The following COPRS variants were observed in gnomAD, a reference collection of about 807,000 sequenced individuals.
The protein encoded by COPRS is cooperator of PRMT5.
In COPRS, 11 loss-of-function variants were observed where a neutral mutation model predicts 19.9. That is an observed-to-expected ratio of 0.55 (90% CI 0.35 to 0.92). COPRS has a LOEUF of 0.92. COPRS is among the 40% of genes least tolerant of loss of function. The pLI is 0.01. For missense variants in COPRS, 225 were observed against 229.9 expected, an observed-to-expected ratio of 0.98 and a Z score of 0.14; for synonymous variants, 81 against 82.7, an observed-to-expected ratio of 0.98 and a Z score of 0.11.
intron 2 of COPRS, among the ~76,000 whole-genome samples, chr17:31,854,299 G>C (rs1909255945): frequency 6.7e-6 from 1 of 149,278 alleles, no homozygotes; most frequent in African/African-American, 2.5e-5. Flanking sequence ...GAACCTGGGA[G>C]GTGGAGGCTG....
At chr17:31,854,692 G>A (rs1202534564) in intron 2 of COPRS, among the ~76,000 whole-genome samples, 2 of 152,228 alleles carry the variant, frequency 1.3e-5, no homozygotes, top group Non-Finnish European at 2.9e-5. Context: ...ACGCTAAGTG[G>A]AAGAAGCCAG....
chr17:31,853,675 C>T (rs570208756), intron 2 of COPRS, among the ~76,000 whole-genome samples: 4 of 152,142 alleles, frequency 2.6e-5, no homozygotes, highest in Non-Finnish European at 2.9e-5. Context: ...CCACTGTGCC[C>T]GGTTGTTTTT....
In COPRS at chr17:31,852,954, G is replaced by A. The variant is rs753067739; in HGVS notation, c.243C>T (p.Ala81=). 3 of 1,614,096 alleles carry A rather than the reference G, an allele frequency of 1.9e-6. No individual in the cohort carries two copies. The highest frequency in any genetic ancestry group is 1.7e-6 in the Non-Finnish European group (2 of 1,179,944). ...EGTHSEEEGF[A]MDEEDSDGEL... ...CTCCATCAGAGTCCTCCTCATCCAT[G>A]GCAAAGCCTTCCTCTTCAGAATGGG... Residue 81 remains alanine, a synonymous_variant, in exon 3 of 4, where the codon GCC becomes GCT. Transcript: ENST00000302362.
At chr17:31,854,305 G>A (rs1343217416) in intron 2 of COPRS, among the ~76,000 whole-genome samples, 1 of 147,238 alleles carries the variant, frequency 6.8e-6, no homozygotes, top group Non-Finnish European at 1.5e-5. Context: ...GGGAGGTGGA[G>A]GCTGCAGTGA....
At chr17:31,858,051 T>C (rs937219146) in intron 1 of COPRS, among the ~76,000 whole-genome samples, 5 of 152,212 alleles carry the variant, frequency 3.3e-5, no homozygotes, top group African/African-American at 1.2e-4. Flanking sequence ...TCCAGCCATC[T>C]GGCCCAGCCT....
chr17:31,858,019 C>T (rs1351733366), intron 1 of COPRS, among the ~76,000 whole-genome samples: 1 of 152,202 alleles, frequency 6.6e-6, no homozygotes, highest in Non-Finnish European at 1.5e-5. Flanking sequence ...ACCACTGCCA[C>T]GGCCTCCTAA....
In COPRS at chr17:31,859,147, C is replaced by G. The variant is rs1220896175; in HGVS notation, c.53G>C (p.Arg18Pro). 4.6e-6 allele frequency: 5 copies of G among 1,077,152 alleles called. No homozygotes were observed. Among genetic ancestry groups the G allele is most frequent in the East Asian group, 1.3e-4 (2 of 15,044 alleles). 66.7% of individuals were successfully genotyped at this position (1,077,152 alleles called of 1,614,324 possible). ...AQAQGAAEPS[R>P]GPPLPSARGA... Reference sequence around the variant, plus strand: ...CCGCGCGCTAGGCAGCGGCGGGCCCCGAGACGGCTCCGCGGCCCCCTGCGC... The same window carrying G: ...CCGCGCGCTAGGCAGCGGCGGGCCCGGAGACGGCTCCGCGGCCCCCTGCGC... Residue 18 changes from arginine (R) to proline (P), a missense_variant, in exon 1 of 4, where the codon CGG (arginine) becomes CCG (proline). Physicochemically the swap from Arg to Pro is moderately radical, Grantham distance 103. Transcript: ENST00000302362.
At chr17:31,854,573 A>G (rs1909270734) in intron 2 of COPRS, among the ~76,000 whole-genome samples, 1 of 152,180 alleles carries the variant, frequency 6.6e-6, no homozygotes, top group Admixed American at 6.5e-5. Flanking sequence ...ATGTCCATCA[A>G]TGGATGAATG....
At position 31,856,779 on chromosome 17, in the gene COPRS, C is replaced by T. The variant is rs1218488877; in HGVS notation, c.166+20G>A. 11 of 1,515,648 alleles carry T rather than the reference C, an allele frequency of 7.3e-6. No individual in the cohort carries two copies. The highest frequency in any genetic ancestry group is 2.2e-5 in the South Asian group (2 of 89,028). 93.9% of individuals were successfully genotyped at this position (1,515,648 alleles called of 1,614,324 possible). ...TCACATCCTTGGTCTCCCCAACTTC[C>T]GTCTCTGCCATCTACTTGCCTAGTC... On this transcript the variant is annotated intron_variant, in intron 2 of 3. Coordinates refer to ENST00000302362, the MANE Select transcript of COPRS (RefSeq NM_018405.4).
chr17:31,852,145 T>A lies in COPRS; in HGVS notation c.549A>T (p.Glu183Asp), dbSNP rs746270625. Residue 183 changes from glutamate to aspartate, a missense_variant, in exon 4 of 4, where the codon GAA (glutamate) becomes GAT (aspartate). Transcript: ENST00000302362. ...AAGGCAGAAAGCTCCACACTCAATCTTCAGCATCGTCAAACTGTCCTGTTT... is the reference window on the plus strand; with the variant it reads ...AAGGCAGAAAGCTCCACACTCAATCATCAGCATCGTCAAACTGTCCTGTTT... ...VFETGQFDDA[E>D]D The A allele has an allele frequency of 6.2e-7, 1 of 1,614,068 alleles. No individual in the cohort carries two copies. The highest frequency in any genetic ancestry group is 8.5e-7 in the Non-Finnish European group (1 of 1,180,014).
chr17:31,854,569 A>G (rs558145642), intron 2 of COPRS, among the ~76,000 whole-genome samples: 1 of 152,342 alleles, frequency 6.6e-6, no homozygotes, highest in African/African-American at 2.4e-5. Flanking sequence ...TCAAATGTCC[A>G]TCAATGGATG....
At chr17:31,858,972 T>C (rs983250997) in intron 1 of COPRS, 129 bp downstream of exon 1, 95 of 1,366,350 alleles carry the variant, frequency 7.0e-5, no homozygotes, top group Non-Finnish European at 8.2e-5. Flanking sequence ...CAGCGCTCCG[T>C]GTCGCGGGGC....
intron 2 of COPRS, 91 bp from the exon 3 acceptor site, chr17:31,853,121 T>C (rs1909216346): frequency 1.0e-5 from 9 of 898,004 alleles, no homozygotes; most frequent in Non-Finnish European, 1.6e-5. Flanking sequence ...ACTACGAAGG[T>C]AGTAAAACAA....
At chr17:31,852,397 G>A (rs1265178668) in intron 3 of COPRS, 89 bp from the exon 4 acceptor site, 2 of 963,102 alleles carry the variant, frequency 2.1e-6, no homozygotes, top group South Asian at 1.6e-5. Context: ...ATGTCTAGGG[G>A]ACAGATCCTT....
chr17:31,856,496 T>C (rs1233236949), intron 2 of COPRS: 5 of 390,574 alleles, frequency 1.3e-5, no homozygotes, highest in Admixed American at 9.4e-5. Context: ...GTTTCAGGCA[T>C]CCATTGGGGC....
At chr17:31,858,252 G>T in intron 1 of COPRS, 1 of 482,700 alleles carries the variant, frequency 2.1e-6, no homozygotes, top group Non-Finnish European at 2.7e-6. Context: ...CGCCTCTGCA[G>T]ACACCACCAG....
In COPRS at chr17:31,852,677, A is replaced by C. The variant is rs114751534; in HGVS notation, c.385+135T>G. ...TTCAATATAAAAGAGAAGGTGTCAC[A>C]GAAATTGGAGACCTGTAACAGATAC... On this transcript the variant is annotated intron_variant, in intron 3 of 3. Coordinates refer to ENST00000302362, the MANE Select transcript of COPRS (RefSeq NM_018405.4). 1,365 of 733,450 alleles carry C rather than the reference A, an allele frequency of 1.9e-3. 17 individuals carry two copies. In the African/African-American group the frequency reaches 0.022, roughly 12 times the overall value. 45.4% of individuals were successfully genotyped at this position (733,450 alleles called of 1,614,324 possible). A position where few individuals can be genotyped will look rare whatever the true frequency, so the allele number is the denominator to read the frequency against.
chr17:31,859,162 G>GC lies in COPRS; in HGVS notation c.37dup (p.Ala13GlyfsTer12). On this transcript the variant is annotated frameshift_variant, in exon 1 of 4. Coordinates refer to ENST00000302362, the MANE Select transcript of COPRS (RefSeq NM_018405.4). LOFTEE classifies it high-confidence loss of function. ...CGGCGGGCCCCGAGACGGCTCCGCG[G>GC]CCCCCTGCGCCTGGGCCCCGGCGGC... The GC allele has an allele frequency of 3.7e-6, 4 of 1,068,654 alleles. No homozygotes were observed. The highest frequency in any genetic ancestry group is 2.3e-6 in the Non-Finnish European group (2 of 885,026). The allele number at this position is 1,068,654 out of a possible 1,614,324, so 66.2% of individuals were successfully genotyped here. A position where few individuals can be genotyped will look rare whatever the true frequency, so the allele number is the denominator to read the frequency against.
In COPRS at chr17:31,852,322, TAA is replaced by T. The variant is rs757160861; in HGVS notation, c.386-16_386-15del. 5.0e-6 allele frequency: 8 copies of T among 1,594,332 alleles called. No individual in the cohort carries two copies. In the African/African-American group the frequency reaches 9.4e-5, roughly 19 times the overall value. On this transcript the variant is annotated splice_polypyrimidine_tract_variant and intron_variant, in intron 3 of 3. Coordinates refer to ENST00000302362, the MANE Select transcript of COPRS (RefSeq NM_018405.4). The stretch of plus-strand genomic sequence containing the variant: ...TGTCGTCAGCATCTGCAGGCAGTTT[TAA>T]AAGACAGATTAAGGGAAGGAAGGAG...
Sources: allele counts gnomAD v4.1 joint callset (sites outside exome capture counted in the v4.1 genomes callset), GRCh38; gene constraint gnomAD v4.1.1; transcripts MANE v1.5; gene names NCBI Gene and HGNC (gene_info 2026-07-23, HGNC 2026-07-21).